Variants in OGFOD1 observed in about 807,000 individuals in gnomAD.
OGFOD1 encodes 2-oxoglutarate and iron dependent oxygenase domain containing 1, also known as prolyl 3-hydroxylase OGFOD1.
In OGFOD1, 54 loss-of-function variants were observed where a neutral mutation model predicts 67.7. The ratio of observed to expected loss-of-function variants is 0.80; its 90% CI spans 0.64 to 1.00. The LOEUF (loss-of-function observed/expected upper bound fraction) is 1.00, where lower values mean the gene tolerates loss of function less well. Among genes scored for constraint, OGFOD1 ranks in the 50% least tolerant of loss-of-function variants. The probability of loss-of-function intolerance (pLI) is 0.00; values close to 1 mark genes in which losing one functional copy is unlikely to be tolerated. For missense variants in OGFOD1, 606 were observed against 646.7 expected (o/e 0.94, Z 0.68); for synonymous variants, 221 against 227.0 (o/e 0.97, Z 0.24).
At position 56,478,585 on chromosome 16, in the gene OGFOD1, A is replaced by G. The variant is rs1211588537; in HGVS notation, c.*2380A>G. ...AAGACCCAGGGAAAAGTGCTTGGGT[A>G]GGTGAAACTGTCATGTGTGCCAAGC... On this transcript the variant is annotated 3_prime_UTR_variant, in exon 13 of 13. Transcript: ENST00000566157. The G allele has an allele frequency of 6.6e-6, 1 of 152,234 alleles. No individual in the cohort carries two copies. The highest frequency in any genetic ancestry group is 2.4e-5 in the African/African-American group (1 of 41,458). The allele number at this position is 152,234 out of a possible 1,614,324, so 9.4% of individuals were successfully genotyped here.
intron 11 of OGFOD1, 123 bp downstream of exon 11, chr16:56,475,073 G>A: frequency 1.0e-6 from 1 of 1,002,584 alleles, no homozygotes; most frequent in Non-Finnish European, 1.5e-6. Context: ...CACATCATGG[G>A]ATCTCAAAGT....
At chr16:56,457,880 A>G (rs1350129204) in intron 2 of OGFOD1, among the ~76,000 whole-genome samples, 1 of 152,102 alleles carries the variant, frequency 6.6e-6, no homozygotes, top group African/African-American at 2.4e-5. Context: ...GGGTTTCACC[A>G]CGTTGGTCAG....
At chr16:56,452,074 G>C (rs1962356871) in intron 1 of OGFOD1, 3 of 291,420 alleles carry the variant, frequency 1.0e-5, no homozygotes, top group South Asian at 1.5e-4. Context: ...CTGATTGGGC[G>C]TCGCCAGGCA....
At chr16:56,452,390 A>C (rs1355963615) in intron 1 of OGFOD1, among the ~76,000 whole-genome samples, 3 of 152,214 alleles carry the variant, frequency 2.0e-5, no homozygotes, top group Non-Finnish European at 4.4e-5. Context: ...TGATGTATGA[A>C]AATAAACGCG....
intron 3 of OGFOD1, among the ~76,000 whole-genome samples, chr16:56,459,677 A>G (rs564345770): frequency 6.6e-6 from 1 of 152,334 alleles, no homozygotes; most frequent in East Asian, 1.9e-4. Context: ...TGATATATGA[A>G]ATAATGATAC....
At chr16:56,455,660 A>G (rs1962501375) in intron 2 of OGFOD1, among the ~76,000 whole-genome samples, 1 of 152,158 alleles carries the variant, frequency 6.6e-6, no homozygotes, top group African/African-American at 2.4e-5. Flanking sequence ...TCCAACTCCC[A>G]TAACCAACTC....
intron 11 of OGFOD1, 144 bp from the exon 12 acceptor site, chr16:56,475,363 G>A: frequency 2.6e-6 from 2 of 771,638 alleles, no homozygotes; most frequent in Non-Finnish European, 4.5e-6. Flanking sequence ...TAGATGATAA[G>A]TTCAAGCTCA....
At position 56,466,945 on chromosome 16, in the gene OGFOD1, T is replaced by TATC. The variant is rs763964865; in HGVS notation, c.636_638dup (p.Ser213dup). 1.8e-4 allele frequency: 292 copies of TATC among 1,612,756 alleles called. 1 individual carries two copies. Among genetic ancestry groups the TATC allele is most frequent in the Non-Finnish European group, 2.3e-4 (275 of 1,178,820 alleles). On this transcript the variant is annotated inframe_insertion, in exon 6 of 13. Transcript: ENST00000566157. ...TGGAACAAACTGGTTTTCTTTGAAGTATCTCCTGTGTCCTTTCACCAGGTA... is the reference window on the plus strand; with the variant it reads ...TGGAACAAACTGGTTTTCTTTGAAGTATCATCTCCTGTGTCCTTTCACCAGGTA...
intron 6 of OGFOD1, 63 bp downstream of exon 6, chr16:56,467,030 A>G: frequency 6.5e-7 from 1 of 1,540,886 alleles, no homozygotes; most frequent in Non-Finnish European, 9.0e-7. Flanking sequence ...CCATTATCCA[A>G]ACATGACAGC....
intron 3 of OGFOD1, among the ~76,000 whole-genome samples, chr16:56,460,613 A>G (rs1962681880): frequency 6.6e-6 from 1 of 152,174 alleles, no homozygotes; most frequent in Non-Finnish European, 1.5e-5. Flanking sequence ...TATTTTATGG[A>G]ATGTTCTTTA....
chr16:56,458,930 A>T (rs1567546390), intron 3 of OGFOD1: 1 of 297,972 alleles, frequency 3.4e-6, no homozygotes, highest in South Asian at 3.6e-5. Context: ...GTGTTGACAG[A>T]TATAGATAGA....
chr16:56,473,140 C>T (rs1390111648), intron 10 of OGFOD1, among the ~76,000 whole-genome samples: 4 of 152,178 alleles, frequency 2.6e-5, no homozygotes, highest in Non-Finnish European at 4.4e-5. Context: ...CCGTGTTAGC[C>T]AGGATGGTCT....
chr16:56,466,471 A>G (rs529292218), intron 5 of OGFOD1, among the ~76,000 whole-genome samples: 2 of 152,326 alleles, frequency 1.3e-5, no homozygotes, highest in East Asian at 3.9e-4. Flanking sequence ...ATGACTCCAG[A>G]GATCAATTAG....
At chr16:56,471,292 G>T (rs1343980586) in intron 10 of OGFOD1, among the ~76,000 whole-genome samples, 2 of 151,742 alleles carry the variant, frequency 1.3e-5, no homozygotes, top group Non-Finnish European at 2.9e-5. Context: ...AACCGGGGAG[G>T]AGGAGGTTGC....
chr16:56,474,572 A>C (rs1462578917), intron 10 of OGFOD1, among the ~76,000 whole-genome samples: 1 of 152,054 alleles, frequency 6.6e-6, no homozygotes, highest in Non-Finnish European at 1.5e-5. Flanking sequence ...TGCCCACCTC[A>C]GCCTCCCAAA....
chr16:56,470,689 A>C lies in OGFOD1; in HGVS notation c.1183A>C (p.Ser395Arg). The C allele has an allele frequency of 6.2e-7, 1 of 1,614,216 alleles. No individual in the cohort carries two copies. Among genetic ancestry groups the C allele is most frequent in the Non-Finnish European group, 8.5e-7 (1 of 1,180,036 alleles). Residue 395 changes from serine to arginine, a missense_variant, in exon 10 of 13, where the codon AGT (serine) becomes CGT (arginine). Physicochemically the swap from Ser to Arg is moderately radical, Grantham distance 110. Transcript: ENST00000566157. ...TDITEEGTSH[S>R]PPEPENNQMA... ...TATCACTGAAGAAGGGACTAGCCAT[A>C]GTCCTCCTGAGCCAGAGAATAATCA...
intron 6 of OGFOD1, 30 bp downstream of exon 6, chr16:56,466,997 C>T (rs762246735): frequency 3.2e-6 from 5 of 1,558,138 alleles, no homozygotes; most frequent in East Asian, 4.5e-5. Context: ...AATAGAGTAG[C>T]AAGGATTATG....
At chr16:56,465,876 T>C in intron 4 of OGFOD1, 2 of 300,116 alleles carry the variant, frequency 6.7e-6, no homozygotes, top group Non-Finnish European at 1.3e-5. Context: ...AATACATATA[T>C]GTAGGAAAAA....
chr16:56,466,791 A>G, intron 5 of OGFOD1, 85 bp from the exon 6 acceptor site: 1 of 991,092 alleles, frequency 1.0e-6, no homozygotes. Flanking sequence ...AGATGCCCTC[A>G]GAAGTTTGGA....
Sources: allele counts gnomAD v4.1 joint callset (sites outside exome capture counted in the v4.1 genomes callset), GRCh38; gene constraint gnomAD v4.1.1; transcripts MANE v1.5; gene names NCBI Gene and HGNC (gene_info 2026-07-23, HGNC 2026-07-21).